Variants in ERI1 observed in about 807,000 individuals in gnomAD.
ERI1 encodes 3'-5' exoribonuclease 1.
In ERI1, 39 loss-of-function variants were observed where a neutral mutation model predicts 39.7. The ratio of observed to expected loss-of-function variants is 0.98; its 90% CI spans 0.76 to 1.28. The LOEUF (loss-of-function observed/expected upper bound fraction) is 1.28. Among genes scored for constraint, ERI1 ranks in the 50% most tolerant of loss-of-function variants. ERI1 has a pLI of 0.00. For missense variants in ERI1, 581 were observed against 416.9 expected, an observed-to-expected ratio of 1.39 and a Z score of -3.43; for synonymous variants, 204 against 149.6, an observed-to-expected ratio of 1.36 and a Z score of -2.65.
chr8:9,008,270 G>T (rs529118538), intron 2 of ERI1, 122 bp downstream of exon 2: 1 of 876,714 alleles, frequency 1.1e-6, no homozygotes, highest in Non-Finnish European at 1.6e-6. Context: ...CCTATTAACA[G>T]TTCACAAAAA....
intron 3 of ERI1, among the ~76,000 whole-genome samples, chr8:9,058,251 C>A (rs1479424313): frequency 6.6e-6 from 1 of 152,180 alleles, no homozygotes; most frequent in Non-Finnish European, 1.5e-5. Context: ...GATGGGATTT[C>A]CTGATGGAGT....
chr8:9,018,815 T>A lies in ERI1; in HGVS notation c.692+409T>A, dbSNP rs533835546. ...CCAGGAATTCACATGGTTTACCCTT[T>A]CTCTGTGTAGTTACTTATGCCTCCC... On this transcript the variant is annotated intron_variant, in intron 5 of 6. Transcript: ENST00000250263. Among the ~76,000 whole-genome samples the A allele has an allele frequency of 2.0e-5, 3 of 152,152 alleles. No individual in the cohort carries two copies. In the South Asian group the frequency reaches 6.2e-4, roughly 32 times the overall value.
chr8:9,068,178 A>C (rs978221375), intron 3 of ERI1, among the ~76,000 whole-genome samples: 13 of 152,206 alleles, frequency 8.5e-5, no homozygotes, highest in Admixed American at 8.5e-4. Flanking sequence ...AGATATATCT[A>C]AAATAGTATT....
chr8:9,087,427 TTTTTTTTTG>T lies in ERI1; in HGVS notation n.300-28920_300-28912del, dbSNP rs967212030. 4.0e-4 allele frequency among the ~76,000 whole-genome samples: 20 copies of T among 49,848 alleles called. No homozygotes were observed. In the East Asian group the frequency reaches 0.011, roughly 27 times the overall value. The allele number at this position is 49,848 out of a possible 152,430, so 32.7% of individuals were successfully genotyped here. The stretch of plus-strand genomic sequence containing the variant: ...ATATGTGGCTATTTTTTTTTTTTTT[TTTTTTTTTG>T]ATTTTTAGTAGAGACAGGGTTTCAA... On this transcript the variant is annotated intron_variant and non_coding_transcript_variant, in intron 3 of 3. Coordinates refer to the ERI1 transcript ENST00000518663.
intron 6 of ERI1, among the ~76,000 whole-genome samples, chr8:9,021,774 GTTT>G (rs200507835): frequency 4.5e-5 from 4 of 88,328 alleles, no homozygotes; most frequent in Admixed American, 2.2e-4. Context: ...TGTTTTTTTT[GTTT>G]TTTTTTTTTT....
intron 3 of ERI1, among the ~76,000 whole-genome samples, chr8:9,055,587 T>C (rs1312183673): frequency 2.0e-5 from 3 of 152,186 alleles, no homozygotes; most frequent in Non-Finnish European, 4.4e-5. Context: ...TCGCCTAGAC[T>C]GGAGTGCAGT....
At chr8:9,025,067 C>T (rs1483212427) in intron 6 of ERI1, among the ~76,000 whole-genome samples, 1 of 152,164 alleles carries the variant, frequency 6.6e-6, no homozygotes, top group African/African-American at 2.4e-5. Flanking sequence ...TTAAGTCTGT[C>T]TCTGGTGTAC....
chr8:9,063,781 T>C (rs192684168), intron 3 of ERI1, among the ~76,000 whole-genome samples: 1 of 152,310 alleles, frequency 6.6e-6, no homozygotes. Context: ...TTTCTGGCTA[T>C]TTGGAACCAC....
At chr8:9,091,862 C>G (rs1799715485) in intron 3 of ERI1, among the ~76,000 whole-genome samples, 1 of 152,150 alleles carries the variant, frequency 6.6e-6, no homozygotes, top group South Asian at 2.1e-4. Flanking sequence ...GACAGACATT[C>G]CTAAATGCCC....
intron 3 of ERI1, among the ~76,000 whole-genome samples, chr8:9,076,633 C>T (rs1799219879): frequency 6.6e-6 from 1 of 152,186 alleles, no homozygotes; most frequent in Non-Finnish European, 1.5e-5. Context: ...TTGGTAATAC[C>T]ATGTGCTTCT....
At chr8:9,044,501 T>A (rs999265170) in intron 3 of ERI1, among the ~76,000 whole-genome samples, 45 of 152,192 alleles carry the variant, frequency 3.0e-4, no homozygotes, top group African/African-American at 1.1e-3. Context: ...AATTGCCAAC[T>A]ACCCATCATC....
intron 3 of ERI1, among the ~76,000 whole-genome samples, chr8:9,040,951 A>T (rs781289401): frequency 2.6e-5 from 4 of 152,160 alleles, no homozygotes; most frequent in Non-Finnish European, 5.9e-5. Flanking sequence ...ACCTCGGTCT[A>T]GTGCTTACTC....
chr8:9,042,424 C>A (rs1262079395), intron 3 of ERI1, among the ~76,000 whole-genome samples: 3 of 152,156 alleles, frequency 2.0e-5, no homozygotes, highest in Non-Finnish European at 4.4e-5. Context: ...AAGAAACAAA[C>A]AGATGCTTAT....
intron 1 of ERI1, chr8:9,003,942 G>T: frequency 1.9e-6 from 1 of 520,748 alleles, no homozygotes. Flanking sequence ...CTGGCAGCTA[G>T]AATGAGCTTT....
chr8:9,025,194 T>C (rs79162715), intron 6 of ERI1, among the ~76,000 whole-genome samples: 7,675 of 152,234 alleles, frequency 0.05, 263 homozygotes, highest in Non-Finnish European at 0.076. Flanking sequence ...AGGAAAAATA[T>C]TTAATTATCT....
At chr8:9,011,426 G>A in intron 2 of ERI1, 116 bp from the exon 3 acceptor site, 2 of 535,278 alleles carry the variant, frequency 3.7e-6, no homozygotes, top group South Asian at 4.0e-5. Context: ...ATTTTAGCTA[G>A]CATTTGCTAA....
chr8:9,081,205 CCT>C (rs544331692), intron 3 of ERI1, among the ~76,000 whole-genome samples: 388 of 152,312 alleles, frequency 2.5e-3, no homozygotes, highest in African/African-American at 8.9e-3. Flanking sequence ...GATCCAATCA[CCT>C]CCCACCAGGA....
chr8:9,078,102 G>A (rs551194093), intron 3 of ERI1, among the ~76,000 whole-genome samples: 3 of 152,048 alleles, frequency 2.0e-5, no homozygotes, highest in African/African-American at 4.8e-5. Flanking sequence ...TGATTCTCCC[G>A]CCTCAGCCTC....
At chr8:9,075,539 G>A (rs1167697377) in intron 3 of ERI1, among the ~76,000 whole-genome samples, 2 of 148,988 alleles carry the variant, frequency 1.3e-5, no homozygotes, top group African/African-American at 5.0e-5. Flanking sequence ...GTCTTTACAT[G>A]GAATAGCACT....
Sources: gnomAD v4.1 joint callset for allele counts (sites outside exome capture counted in the v4.1 genomes callset) on GRCh38, gnomAD v4.1.1 for gene constraint, MANE v1.5 for transcripts, NCBI Gene and HGNC (gene_info 2026-07-23, HGNC 2026-07-21) for gene names.